GALNT13: variants seen among roughly 807,000 people sequenced by gnomAD.
GALNT13 encodes polypeptide N-acetylgalactosaminyltransferase 13.
GALNT13 carries 28 observed loss-of-function variants against 64.2 expected under a neutral mutation model. That is an observed-to-expected ratio of 0.44 (90% CI 0.32 to 0.60). The LOEUF is 0.60. GALNT13 is among the 20% of genes least tolerant of loss of function. The pLI is 0.05. For synonymous variants in GALNT13, 214 were observed against 224.6 expected (o/e 0.95, Z 0.42); for missense variants, 577 against 669.8 (o/e 0.86, Z 1.53).
the GALNT13 span, among the ~76,000 whole-genome samples, chr2:153,609,225 G>T: frequency 6.6e-6 from 1 of 151,974 alleles, no homozygotes; most frequent in African/African-American, 2.4e-5. Flanking sequence ...CACCATGGCT[G>T]GTCAATATTT....
chr2:154,428,550 C>T (rs1455082616), intron 11 of GALNT13, among the ~76,000 whole-genome samples: 2 of 152,102 alleles, frequency 1.3e-5, no homozygotes, highest in African/African-American at 4.8e-5. Flanking sequence ...GTATATGTAT[C>T]TAGGCATACA....
chr2:154,074,883 C>T (rs1451682305), intron 3 of GALNT13, among the ~76,000 whole-genome samples: 1 of 151,786 alleles, frequency 6.6e-6, no homozygotes, highest in Non-Finnish European at 1.5e-5. Context: ...AACATACTAG[C>T]CACTGAAGGA....
intron 9 of GALNT13, among the ~76,000 whole-genome samples, chr2:154,347,493 T>G (rs1696136509): frequency 6.6e-6 from 1 of 152,192 alleles, no homozygotes. Flanking sequence ...TCTCCAGTAA[T>G]TTGACCAATT....
chr2:153,316,865 A>G, the GALNT13 span, among the ~76,000 whole-genome samples: 1 of 152,152 alleles, frequency 6.6e-6, no homozygotes, highest in Non-Finnish European at 1.5e-5. Flanking sequence ...TAGGGATTCA[A>G]GACAACTTCT....
rs1674 is a variant in GALNT13 at position 154,259,226 on chromosome 2, T to C, written c.975+88T>C. The C allele has an allele frequency of 3.9e-3, 3,011 of 771,596 alleles. 7 individuals are homozygous for C. Among genetic ancestry groups the C allele is most frequent in the Non-Finnish European group, 5.6e-3 (2,523 of 454,220 alleles). 47.8% of individuals were successfully genotyped at this position (771,596 alleles called of 1,614,324 possible). On this transcript the variant is annotated intron_variant, in intron 8 of 12. Coordinates refer to ENST00000392825, the MANE Select transcript of GALNT13 (RefSeq NM_052917.4). ...GTCCCAGTAATTTACTGTCAAATCA[T>C]TTTTGCTGAGTGATGCAAATTACTG...
chr2:154,174,175 C>T (rs544418020), intron 4 of GALNT13, among the ~76,000 whole-genome samples: 7 of 152,214 alleles, frequency 4.6e-5, no homozygotes, highest in East Asian at 1.9e-4. Context: ...ATTAAAATTA[C>T]GCAGTCTCAA....
At chr2:154,283,860 A>G (rs1443957179) in intron 8 of GALNT13, among the ~76,000 whole-genome samples, 2 of 152,204 alleles carry the variant, frequency 1.3e-5, no homozygotes, top group Non-Finnish European at 2.9e-5. Flanking sequence ...AAATCAGTGA[A>G]AATTTGAGAT....
intron 3 of GALNT13, among the ~76,000 whole-genome samples, chr2:154,133,534 T>TTTTATATATA (rs1238613797): frequency 5.2e-5 from 4 of 77,294 alleles, no homozygotes; most frequent in Admixed American, 1.6e-4. Context: ...ACAGACCATT[T>TTTTATATATA]TATATATATA....
chr2:153,171,689 G>A, the GALNT13 span, among the ~76,000 whole-genome samples: 1 of 152,112 alleles, frequency 6.6e-6, no homozygotes, highest in Admixed American at 6.5e-5. Flanking sequence ...GGCTAAGGAT[G>A]GCAAGGCAGA....
chr2:154,378,010 T>C (rs1698081117), intron 9 of GALNT13, among the ~76,000 whole-genome samples: 1 of 152,130 alleles, frequency 6.6e-6, no homozygotes, highest in African/African-American at 2.4e-5. Context: ...TTATCTTGGC[T>C]TTCTTCCTTG....
intron 3 of GALNT13, among the ~76,000 whole-genome samples, chr2:154,101,086 G>A (rs1261688083): frequency 6.6e-6 from 1 of 152,030 alleles, no homozygotes; most frequent in Non-Finnish European, 1.5e-5. Flanking sequence ...TCTTTTCCAT[G>A]TGTTGTTAGA....
chr2:154,233,053 A>G (rs991995730), intron 4 of GALNT13, among the ~76,000 whole-genome samples: 7 of 151,030 alleles, frequency 4.6e-5, no homozygotes, highest in South Asian at 4.2e-4. Flanking sequence ...AAAAAAAAAA[A>G]AAAAGAAAAA....
chr2:154,084,598 T>C (rs940149773), intron 3 of GALNT13, among the ~76,000 whole-genome samples: 1 of 151,906 alleles, frequency 6.6e-6, no homozygotes, highest in South Asian at 2.1e-4. Context: ...GCTGAAAAAC[T>C]CATATTAAAA....
intron 1 of GALNT13, among the ~76,000 whole-genome samples, chr2:153,900,476 A>C (rs1688163676): frequency 6.6e-6 from 1 of 152,114 alleles, no homozygotes; most frequent in Non-Finnish European, 1.5e-5. Flanking sequence ...AATTGGTGCA[A>C]CTCTCTGGAT....
chr2:153,880,420 A>G (rs1345793556), intron 1 of GALNT13, among the ~76,000 whole-genome samples: 2 of 152,072 alleles, frequency 1.3e-5, no homozygotes, highest in Non-Finnish European at 2.9e-5. Flanking sequence ...AATTATGTAA[A>G]TTATTTGAAT....
the GALNT13 span, among the ~76,000 whole-genome samples, chr2:153,147,448 T>A: frequency 6.6e-6 from 1 of 151,540 alleles, no homozygotes; most frequent in Non-Finnish European, 1.5e-5. Context: ...ATAAGGATGC[T>A]CTAAAGGAGG....
intron 1 of GALNT13, among the ~76,000 whole-genome samples, chr2:153,890,457 A>G (rs2105265818): frequency 6.6e-6 from 1 of 152,058 alleles, no homozygotes; most frequent in South Asian, 2.1e-4. Context: ...AAGAATTCTG[A>G]TCTCATACAC....
the GALNT13 span, among the ~76,000 whole-genome samples, chr2:153,270,667 C>T: frequency 1.3e-4 from 20 of 151,990 alleles, no homozygotes; most frequent in African/African-American, 2.4e-4. Context: ...TTGAGACCAG[C>T]GTGAGAAATC....
At chr2:154,398,403 C>G (rs1276905987) in intron 10 of GALNT13, among the ~76,000 whole-genome samples, 1 of 152,186 alleles carries the variant, frequency 6.6e-6, no homozygotes, top group East Asian at 1.9e-4. Context: ...CAATTTTATG[C>G]TGTCCTGCAC....
Sources: gnomAD v4.1 joint callset for allele counts (sites outside exome capture counted in the v4.1 genomes callset) on GRCh38, gnomAD v4.1.1 for gene constraint, MANE v1.5 for transcripts, NCBI Gene and HGNC (gene_info 2026-07-23, HGNC 2026-07-21) for gene names.